Variants in MPP3 observed in about 807,000 individuals in gnomAD.
MPP3 encodes the protein MAGUK p55 subfamily member 3.
Under a neutral mutation model 80.7 loss-of-function variants are expected in MPP3, and 48 were observed. The observed-to-expected ratio is 0.59, with a 90% confidence interval of 0.47 to 0.76. The LOEUF (loss-of-function observed/expected upper bound fraction) is 0.76, where lower values mean the gene tolerates loss of function less well. Ranked by LOEUF, MPP3 falls within the 30% of genes least tolerant of loss-of-function variation. The pLI, the probability that MPP3 is intolerant of heterozygous loss-of-function variation, is 0.00. For missense variants in MPP3, 620 were observed against 763.0 expected (o/e 0.81, Z 2.21); for synonymous variants, 311 against 297.6 (o/e 1.04, Z -0.46).
At chr17:43,807,567 G>T (rs1008750888) in intron 19 of MPP3, among the ~76,000 whole-genome samples, 4 of 151,966 alleles carry the variant, frequency 2.6e-5, no homozygotes, top group Non-Finnish European at 5.9e-5. Context: ...CAATCTGCCC[G>T]CCTCAGCCTC....
At chr17:43,812,226 C>G (rs2044896213) in intron 16 of MPP3, among the ~76,000 whole-genome samples, 1 of 152,172 alleles carries the variant, frequency 6.6e-6, no homozygotes, top group African/African-American at 2.4e-5. Flanking sequence ...CACAAAGCCA[C>G]ACACACAGTA....
chr17:43,809,748 G>A (rs12453900), intron 18 of MPP3, among the ~76,000 whole-genome samples: 2,549 of 152,070 alleles, frequency 0.017, 75 homozygotes, highest in African/African-American at 0.056. Flanking sequence ...GCGTGGTGGC[G>A]GGCACCTGTA....
intron 10 of MPP3, among the ~76,000 whole-genome samples, chr17:43,821,812 G>A (rs1416605506): frequency 1.3e-5 from 2 of 152,182 alleles, no homozygotes; most frequent in East Asian, 1.9e-4. Context: ...GCAATCAGGG[G>A]TCTTCCTCAG....
chr17:43,823,471 A>T (rs2045557503), intron 10 of MPP3, among the ~76,000 whole-genome samples: 1 of 152,190 alleles, frequency 6.6e-6, no homozygotes, highest in South Asian at 2.1e-4. Context: ...CACTTATCAC[A>T]TAGCAATGAA....
rs973132544 is a variant in MPP3 at position 43,831,869 on chromosome 17, G to C, written c.25+13C>G. 1.9e-6 allele frequency: 3 copies of C among 1,602,768 alleles called. No homozygotes were observed. The East Asian group carries it at 6.7e-5, about 36-fold the overall frequency. ...CAGGACTGTGGCAGGTCCAGCCGGG[G>C]GGAGGTACTTACCAGAGTCCTCCGA... is the stretch of plus-strand genomic sequence containing the variant. On this transcript the variant is annotated intron_variant, in intron 3 of 19. Transcript: ENST00000398389.
chr17:43,831,148 T>G, intron 5 of MPP3, 96 bp downstream of exon 5: 1 of 1,136,820 alleles, frequency 8.8e-7, no homozygotes, highest in Non-Finnish European at 1.3e-6. Flanking sequence ...GGCTCCTGAT[T>G]CCCGGTGTCC....
At chr17:43,816,144 C>T (rs1453269173) in intron 13 of MPP3, 65 bp from the exon 14 acceptor site, 15 of 1,420,594 alleles carry the variant, frequency 1.1e-5, no homozygotes, top group Non-Finnish European at 1.2e-5. Context: ...CCAGGGCACC[C>T]AGCCCCTGGA....
intron 9 of MPP3, among the ~76,000 whole-genome samples, chr17:43,824,530 A>G (rs752281836): frequency 9.2e-5 from 14 of 151,752 alleles, no homozygotes; most frequent in Non-Finnish European, 1.8e-4. Context: ...AGCTCCCTTC[A>G]CCCTCATCTA....
intron 5 of MPP3, among the ~76,000 whole-genome samples, chr17:43,830,446 C>T (rs574259401): frequency 8.0e-4 from 122 of 152,268 alleles, no homozygotes; most frequent in African/African-American, 2.8e-3. Flanking sequence ...AAACATTTTG[C>T]CCGAAGTCAC....
At chr17:43,831,766 TC>T in intron 3 of MPP3, 89 bp from the exon 4 acceptor site, 1 of 1,430,132 alleles carries the variant, frequency 7.0e-7, no homozygotes. Context: ...AAACAGCACT[TC>T]AGTCCTGCCG....
chr17:43,815,957 C>A, intron 14 of MPP3, 81 bp downstream of exon 14: 3 of 1,281,830 alleles, frequency 2.3e-6, no homozygotes, highest in South Asian at 1.6e-5. Context: ...GGGCTCAGAT[C>A]ACCCTGCTTT....
In MPP3 at chr17:43,800,992, G is replaced by C. The variant is rs989626393; in HGVS notation, c.*709C>G. On this transcript the variant is annotated 3_prime_UTR_variant, in exon 20 of 20. Transcript: ENST00000398389. ...AACAAAAGGGACAATGGATGGAATAGAACAAATCAAACAAAGCATGGGCTC... is the reference window on the plus strand; with the variant it reads ...AACAAAAGGGACAATGGATGGAATACAACAAATCAAACAAAGCATGGGCTC... The C allele has an allele frequency of 1.3e-5, 2 of 152,186 alleles. No individual in the cohort carries two copies. The highest frequency in any genetic ancestry group is 4.8e-5 in the African/African-American group (2 of 41,404). 9.4% of individuals were successfully genotyped at this position (152,186 alleles called of 1,614,324 possible).
rs963719978 is a variant in MPP3, at chr17:43,813,954, C to G, written c.1255+57G>C. ...TGGATGGATCTGGGGAGTTAAGTCT[C>G]CATGGAATATTTGTGTGTGTGCAGA... On this transcript the variant is annotated intron_variant, in intron 16 of 19. Coordinates refer to ENST00000398389, the MANE Select transcript of MPP3 (RefSeq NM_001932.6). 11 of 1,384,950 alleles carry G rather than the reference C, an allele frequency of 7.9e-6. No homozygotes were observed. The African/African-American group carries it at 1.6e-4, about 20-fold the overall frequency. The allele number at this position is 1,384,950 out of a possible 1,614,324, so 85.8% of individuals were successfully genotyped here.
rs376007699 is a variant in MPP3 at position 43,829,716 on chromosome 17, C to T, written c.379G>A (p.Asp127Asn). The T allele has an allele frequency of 4.6e-5, 74 of 1,614,054 alleles. No individual in the cohort carries two copies. Among genetic ancestry groups the T allele is most frequent in the South Asian group, 1.8e-4 (16 of 91,076 alleles). The part of the protein sequence containing the change: ...PVLPPLPDNI[D>N]EDFDEESVKI... ...ACCGATTCCTCATCAAAATCCTCATCGATATTGTCAGGCAGAGGCGGGAGA... is the reference window on the plus strand; with the variant it reads ...ACCGATTCCTCATCAAAATCCTCATTGATATTGTCAGGCAGAGGCGGGAGA... Residue 127 changes from aspartate to asparagine, a missense_variant, in exon 7 of 20, where the codon GAT becomes AAT. By Grantham distance (23) the Asp-to-Asn change is conservative (BLOSUM62 1). Transcript: ENST00000398389.
chr17:43,827,480 C>G (rs1327278921), intron 8 of MPP3, among the ~76,000 whole-genome samples: 1 of 152,000 alleles, frequency 6.6e-6, no homozygotes, highest in African/African-American at 2.4e-5. Context: ...GTCTGGAACT[C>G]CTGGCTTCAA....
In MPP3 at chr17:43,801,872, C is replaced by T; in HGVS notation, c.1587G>A (p.Glu529=). Residue 529 remains glutamate, a synonymous_variant, in exon 20 of 20, where the codon GAG becomes GAA. Transcript: ENST00000398389. ...ACEDTAAPFD[E]QQQEMAASAA... ...CAGAAGCGGCCATCTCTTGCTGCTG[C>T]TCATCCTGCAAGGAAAGGGGTGGTA... The T allele has an allele frequency of 6.2e-7, 1 of 1,611,556 alleles. No individual in the cohort carries two copies. Among genetic ancestry groups the T allele is most frequent in the Non-Finnish European group, 8.5e-7 (1 of 1,179,112 alleles).
intron 10 of MPP3, 91 bp from the exon 11 acceptor site, chr17:43,821,149 C>T (rs1041606029): frequency 6.6e-5 from 85 of 1,280,946 alleles, no homozygotes; most frequent in Middle Eastern, 4.9e-4. Context: ...CAACGACCAT[C>T]CACACTTAGG....
chr17:43,826,845 C>A (rs371387872), intron 8 of MPP3, among the ~76,000 whole-genome samples: 1 of 121,260 alleles, frequency 8.2e-6, no homozygotes, highest in Admixed American at 8.0e-5. Context: ...TTTTTTTTTT[C>A]TTTTTTTTTT....
At chr17:43,827,897 T>C (rs2045790888) in intron 7 of MPP3, 65 bp from the exon 8 acceptor site, 3 of 1,488,382 alleles carry the variant, frequency 2.0e-6, no homozygotes, top group Non-Finnish European at 1.9e-6. Flanking sequence ...CCCTACTCTC[T>C]GGACCCAACA....
Sources: gnomAD v4.1 joint callset for allele counts (sites outside exome capture counted in the v4.1 genomes callset) on GRCh38, gnomAD v4.1.1 for gene constraint, MANE v1.5 for transcripts, NCBI Gene and HGNC (gene_info 2026-07-23, HGNC 2026-07-21) for gene names.